Variants in MARK3 observed in about 807,000 individuals in gnomAD.
MARK3 encodes MAP/microtubule affinity-regulating kinase 3.
MARK3 carries 46 observed loss-of-function variants against 90.1 expected under a neutral mutation model. That is an observed-to-expected ratio of 0.51 (90% CI 0.40 to 0.65). MARK3 has a LOEUF of 0.65. Among genes scored for constraint, MARK3 ranks in the 30% least tolerant of loss-of-function variants. The pLI is 0.00. For missense variants in MARK3, 818 were observed against 947.2 expected (o/e 0.86, Z 1.79); for synonymous variants, 321 against 332.6 (o/e 0.97, Z 0.38).
intron 1 of MARK3, among the ~76,000 whole-genome samples, chr14:103,390,542 C>A (rs965007126): frequency 2.0e-5 from 3 of 152,016 alleles, no homozygotes; most frequent in Non-Finnish European, 2.9e-5. Flanking sequence ...TTGTCTTGGG[C>A]CACAGATAAA....
chr14:103,411,091 G>A lies in MARK3; in HGVS notation c.243+5824G>A, dbSNP rs1038647844. On this transcript the variant is annotated intron_variant, in intron 2 of 17. Coordinates refer to ENST00000429436, the MANE Select transcript of MARK3 (RefSeq NM_001128918.3). Reference sequence around the variant, plus strand: ...AGATCGAGACCATCCTGGATAACACGGTGAAACCCTGTCTCTACTAAAAAT... The same window carrying A: ...AGATCGAGACCATCCTGGATAACACAGTGAAACCCTGTCTCTACTAAAAAT... Among the ~76,000 whole-genome samples the A allele has an allele frequency of 3.9e-5, 6 of 152,082 alleles. No homozygotes were observed. The South Asian group carries it at 6.2e-4, about 16-fold the overall frequency.
At chr14:103,428,326 C>A in intron 2 of MARK3, 61 bp from the exon 3 acceptor site, 1 of 868,372 alleles carries the variant, frequency 1.2e-6, no homozygotes, top group Non-Finnish European at 1.8e-6. Context: ...TATATCTTGG[C>A]ATTTATCAGT....
chr14:103,435,260 C>A (rs1019919291), intron 3 of MARK3, among the ~76,000 whole-genome samples: 1 of 152,168 alleles, frequency 6.6e-6, no homozygotes, highest in African/African-American at 2.4e-5. Flanking sequence ...ATTTCCTTCA[C>A]AGTACTTTCC....
chr14:103,501,964 A>C (rs2075691974), intron 17 of MARK3, among the ~76,000 whole-genome samples: 1 of 152,198 alleles, frequency 6.6e-6, no homozygotes, highest in South Asian at 2.1e-4. Flanking sequence ...CATAGGATGG[A>C]GTGTACTTAA....
intron 4 of MARK3, 96 bp downstream of exon 4, chr14:103,449,063 T>G (rs2093066536): frequency 1.6e-6 from 2 of 1,282,264 alleles, no homozygotes; most frequent in Admixed American, 4.9e-5. Context: ...TAGAGTACAC[T>G]TCTAGTAAAA....
At chr14:103,462,702 C>T (rs4906327) in intron 7 of MARK3, among the ~76,000 whole-genome samples, 43,050 of 152,124 alleles carry the variant, frequency 0.28, 7,270 homozygotes, top group Non-Finnish European at 0.36. Context: ...GAACAGTCAT[C>T]ACACAGCCAA....
chr14:103,502,868 TCTATG>T lies in MARK3; in HGVS notation c.1917-12_1917-8del. The T allele has an allele frequency of 6.3e-7, 1 of 1,595,704 alleles. No individual in the cohort carries two copies. Among genetic ancestry groups the T allele is most frequent in the South Asian group, 1.1e-5 (1 of 89,730 alleles). ...CTGTACGATTAAAAATAAACCTGCC[TCTATG>T]CATTTCAGTCGCAATGTATCTGCTG... On this transcript the variant is annotated splice_polypyrimidine_tract_variant and intron_variant, in intron 17 of 17. Transcript: ENST00000429436.
intron 16 of MARK3, chr14:103,499,733 G>C (rs989511886): frequency 1.9e-5 from 3 of 158,884 alleles, no homozygotes; most frequent in Non-Finnish European, 4.1e-5. Flanking sequence ...CCAGCTGATA[G>C]CCTCATTGGC....
At chr14:103,489,459 C>G (rs1289383346) in intron 14 of MARK3, 2 of 152,220 alleles carry the variant, frequency 1.3e-5, no homozygotes, top group African/African-American at 4.8e-5. Flanking sequence ...GTGACAAGAT[C>G]TGGTTTATAT....
At chr14:103,490,890 T>C (rs1328685738) in intron 14 of MARK3, 1 of 1,128,782 alleles carries the variant, frequency 8.9e-7, no homozygotes. Context: ...CACAGGTTGC[T>C]CTGTGGTCAC....
chr14:103,458,629 T>C, intron 6 of MARK3: 1 of 551,578 alleles, frequency 1.8e-6, no homozygotes, highest in South Asian at 2.6e-5. Context: ...CTTCACTGCT[T>C]TTAAATTAAT....
At position 103,448,905 on chromosome 14, in the gene MARK3, GTTT is replaced by G; in HGVS notation, c.298-5_298-3del. 8.8e-7 allele frequency: 1 copy of G among 1,136,596 alleles called. No homozygotes were observed. The highest frequency in any genetic ancestry group is 1.6e-5 in the African/African-American group (1 of 61,142). 70.4% of individuals were successfully genotyped at this position (1,136,596 alleles called of 1,614,324 possible). On this transcript the variant is annotated splice_polypyrimidine_tract_variant and intron_variant, in intron 3 of 17. Transcript: ENST00000429436. Reference sequence around the variant, plus strand: ...GTTGGGGGGATTATGTGTTTTGTTTGTTTTTTTTTTTAGCTCTTCAGAGAAGTA... The same window carrying G: ...GTTGGGGGGATTATGTGTTTTGTTTGTTTTTTTTAGCTCTTCAGAGAAGTA...
At chr14:103,454,851 G>A (rs2093239455) in intron 5 of MARK3, among the ~76,000 whole-genome samples, 1 of 152,212 alleles carries the variant, frequency 6.6e-6, no homozygotes, top group South Asian at 2.1e-4. Flanking sequence ...CTAGAACTAA[G>A]GGCTTTCTGA....
chr14:103,472,646 TCA>T (rs749269904), intron 12 of MARK3, among the ~76,000 whole-genome samples: 1 of 14,684 alleles, frequency 6.8e-5, no homozygotes, highest in African/African-American at 2.1e-4. Context: ...AGGCTCCATC[TCA>T]AAAAAAAAAA....
At position 103,466,448 on chromosome 14, in the gene MARK3, C is replaced by G; in HGVS notation, c.997+6C>G. On this transcript the variant is annotated splice_donor_region_variant and intron_variant, in intron 10 of 17. Coordinates refer to ENST00000429436, the MANE Select transcript of MARK3 (RefSeq NM_001128918.3). ...CTCAGACCAAAAAAGAATAGGTAAT[C>G]ACTCCATGCCTGCATGTTCATGTGT... 1.3e-6 allele frequency: 2 copies of G among 1,565,286 alleles called. No homozygotes were observed. Among genetic ancestry groups the G allele is most frequent in the African/African-American group, 1.4e-5 (1 of 73,660 alleles).
chr14:103,398,114 C>T (rs905433870), intron 1 of MARK3, among the ~76,000 whole-genome samples: 1 of 152,152 alleles, frequency 6.6e-6, no homozygotes, highest in African/African-American at 2.4e-5. Context: ...AGTCTGCTCG[C>T]CAGAGGTGCA....
chr14:103,497,431 G>A (rs896202650), intron 15 of MARK3, among the ~76,000 whole-genome samples: 1 of 152,192 alleles, frequency 6.6e-6, no homozygotes, highest in Non-Finnish European at 1.5e-5. Context: ...GCCCAGGGAA[G>A]CTGATCGCAT....
intron 2 of MARK3, among the ~76,000 whole-genome samples, chr14:103,419,040 G>A (rs1253769573): frequency 6.6e-6 from 1 of 152,178 alleles, no homozygotes; most frequent in East Asian, 1.9e-4. Context: ...TGTAATCCCA[G>A]CACTTTGGGA....
At chr14:103,407,472 TAATC>T (rs1387598879) in intron 2 of MARK3, among the ~76,000 whole-genome samples, 1 of 151,334 alleles carries the variant, frequency 6.6e-6, no homozygotes, top group African/African-American at 2.4e-5. Flanking sequence ...CCGTTCCTAT[TAATC>T]AAAAATACAT....
Sources: gnomAD v4.1 joint callset for allele counts (sites outside exome capture counted in the v4.1 genomes callset) on GRCh38, gnomAD v4.1.1 for gene constraint, MANE v1.5 for transcripts, NCBI Gene and HGNC (gene_info 2026-07-23, HGNC 2026-07-21) for gene names.